The following PRKN variants were observed in gnomAD, a reference collection of about 807,000 sequenced individuals.
PRKN encodes the protein E3 ubiquitin-protein ligase parkin.
A neutral mutation model predicts 59.5 loss-of-function variants in PRKN; 56 were observed. The observed-to-expected ratio is 0.94, with a 90% CI of 0.76 to 1.18. The LOEUF is 1.18. Among genes scored for constraint, PRKN ranks in the 50% most tolerant of loss-of-function variants. The pLI, the probability that PRKN is intolerant of heterozygous loss-of-function variation, is 0.00. For synonymous variants in PRKN, 250 were observed against 222.1 expected, an observed-to-expected ratio of 1.13 and a Z score of -1.12; for missense variants, 657 against 596.4, an observed-to-expected ratio of 1.10 and a Z score of -1.06.
intron 1 of PRKN, among the ~76,000 whole-genome samples, chr6:162,675,594 T>C (rs570148206): frequency 7.0e-4 from 107 of 152,272 alleles, no homozygotes; most frequent in African/African-American, 2.5e-3. Flanking sequence ...ATAACCAGTA[T>C]GCAGGACTTA....
intron 1 of PRKN, among the ~76,000 whole-genome samples, chr6:162,673,526 C>A (rs1047685672): frequency 6.6e-6 from 1 of 152,172 alleles, no homozygotes; most frequent in African/African-American, 2.4e-5. Flanking sequence ...GTTGGAACTA[C>A]AGGCGCACAC....
intron 7 of PRKN, among the ~76,000 whole-genome samples, chr6:161,735,629 C>A (rs1787931945): frequency 6.6e-6 from 1 of 152,032 alleles, no homozygotes; most frequent in African/African-American, 2.4e-5. Flanking sequence ...AAAAGTGAGA[C>A]TGTAAGGCCA....
In PRKN at chr6:161,395,623, C is replaced by T. The variant is rs571378730; in HGVS notation, c.1084-8746G>A. ...CCCAACACGCTGTGGTCTCAACCAC[C>T]GCCTTTGTCAAGCTGCTTTAAAAGA... On this transcript the variant is annotated intron_variant, in intron 9 of 11. Coordinates refer to ENST00000366898, the MANE Select transcript of PRKN (RefSeq NM_004562.3). The surrounding 1 kb of genome is among the most constrained non-coding windows in gnomAD (Gnocchi z 5.0). Among the ~76,000 whole-genome samples, 15 of 152,264 alleles carry T rather than the reference C, an allele frequency of 9.9e-5. No homozygotes were observed. In the South Asian group the frequency reaches 1.0e-3, roughly 11 times the overall value.
At position 162,056,133 on chromosome 6, in the gene PRKN, C is replaced by T. The variant is rs749174646; in HGVS notation, c.535-1959G>A. Among the ~76,000 whole-genome samples the T allele has an allele frequency of 6.6e-6, 1 of 150,606 alleles. No individual in the cohort carries two copies. The highest frequency in any genetic ancestry group is 2.0e-4 in the East Asian group (1 of 5,082). ...ATATACCCACATGCATGCACGCACACCAAGACACACCACACACGCACGCAC... is the reference window on the plus strand; with the variant it reads ...ATATACCCACATGCATGCACGCACATCAAGACACACCACACACGCACGCAC... On this transcript the variant is annotated intron_variant, in intron 4 of 11. Coordinates refer to ENST00000366898, the MANE Select transcript of PRKN (RefSeq NM_004562.3). This position sits in a 1 kb window ranked among gnomAD's most constrained non-coding sequence, Gnocchi z 4.9.
intron 4 of PRKN, among the ~76,000 whole-genome samples, chr6:162,089,381 AAAAC>A (rs144756843): frequency 0.045 from 6,863 of 152,296 alleles, 181 homozygotes; most frequent in Non-Finnish European, 0.058. Context: ...GCTAAAATTT[AAAAC>A]AAACAAGAAA....
At chr6:162,080,620 C>T (rs1779016896) in intron 4 of PRKN, among the ~76,000 whole-genome samples, 1 of 152,098 alleles carries the variant, frequency 6.6e-6, no homozygotes, top group Admixed American at 6.5e-5. Flanking sequence ...AATGTTAACT[C>T]TCATCTGAAC....
intron 5 of PRKN, among the ~76,000 whole-genome samples, chr6:162,021,102 C>CAAAA (rs375989505): frequency 0.44 from 36,240 of 81,896 alleles, 9,637 homozygotes; most frequent in East Asian, 0.75. Flanking sequence ...GACTCTGTCT[C>CAAAA]AAAAAAAAAA....
chr6:162,111,333 C>T (rs1391289990), intron 4 of PRKN, among the ~76,000 whole-genome samples: 1 of 152,038 alleles, frequency 6.6e-6, no homozygotes, highest in Non-Finnish European at 1.5e-5. Context: ...AGTGTTGTGG[C>T]ATGCATCTGT....
chr6:162,045,739 A>G (rs1481563012), intron 5 of PRKN, among the ~76,000 whole-genome samples: 1 of 152,210 alleles, frequency 6.6e-6, no homozygotes, highest in African/African-American at 2.4e-5. Context: ...GGAGCCATCA[A>G]TCACCTGCTG....
chr6:162,011,247 A>AGTATATATT (rs1782660888), intron 5 of PRKN, among the ~76,000 whole-genome samples: 2 of 108,332 alleles, frequency 1.8e-5, no homozygotes, highest in African/African-American at 3.6e-5. Flanking sequence ...TTTATAATAT[A>AGTATATATT]TATAATATAG....
chr6:162,560,623 T>C (rs905413400), intron 1 of PRKN, among the ~76,000 whole-genome samples: 1 of 152,126 alleles, frequency 6.6e-6, no homozygotes, highest in African/African-American at 2.4e-5. Context: ...AACACCCTTC[T>C]GGTGTCCTTT....
chr6:162,450,398 CGCCCCTAT>C (rs1562774226), intron 1 of PRKN, among the ~76,000 whole-genome samples: 1 of 139,818 alleles, frequency 7.2e-6, no homozygotes, highest in African/African-American at 2.7e-5. Context: ...TGAATGTAAA[CGCCCCTAT>C]GATTGTAACA....
rs1221903379 is a variant in PRKN at position 162,485,921 on chromosome 6, C to T, written c.8-42448G>A. 3.9e-5 allele frequency among the ~76,000 whole-genome samples: 6 copies of T among 152,170 alleles called. No individual in the cohort carries two copies. In the South Asian group the frequency reaches 1.2e-3, roughly 32 times the overall value. On this transcript the variant is annotated intron_variant, in intron 1 of 11. Transcript: ENST00000366898. ...ATCCTAAAGAACCATAATCTTCTAT[C>T]GCATATGCAAAGCCTGTTTTACGTC...
Position 161,468,219 on chromosome 6 carries a change from C to T in PRKN, c.1083+80635G>A, listed in dbSNP as rs1047964671. 1.3e-5 allele frequency among the ~76,000 whole-genome samples: 2 copies of T among 152,020 alleles called. No individual in the cohort carries two copies. Among genetic ancestry groups the T allele is most frequent in the African/African-American group, 2.4e-5 (1 of 41,400 alleles). On this transcript the variant is annotated intron_variant, in intron 9 of 11. Coordinates refer to ENST00000366898, the MANE Select transcript of PRKN (RefSeq NM_004562.3). This position sits in a 1 kb window ranked among gnomAD's most constrained non-coding sequence, Gnocchi z 5.9. Reference sequence around the variant, plus strand: ...AACTCCTGACCTCAGGTGATCCGCCCGCCTCAACCTCCCAACGTGCTAGGA... The same window carrying T: ...AACTCCTGACCTCAGGTGATCCGCCTGCCTCAACCTCCCAACGTGCTAGGA...
chr6:161,641,538 C>T (rs143276635), intron 7 of PRKN, among the ~76,000 whole-genome samples: 7 of 152,276 alleles, frequency 4.6e-5, no homozygotes, highest in African/African-American at 9.6e-5. Context: ...GTCCCATCCC[C>T]GAGTTTTCTG....
Position 161,417,482 on chromosome 6 carries a change from A to G in PRKN, c.1084-30605T>C, listed in dbSNP as rs1787906651. ...AAAAAAAAAGTCATCTAATGCCTCC[A>G]AGACCACACGCTATTGATTTAATCT... On this transcript the variant is annotated intron_variant, in intron 9 of 11. Coordinates refer to ENST00000366898, the MANE Select transcript of PRKN (RefSeq NM_004562.3). The surrounding 1 kb of genome is among the most constrained non-coding windows in gnomAD (Gnocchi z 5.4). Among the ~76,000 whole-genome samples the G allele has an allele frequency of 6.6e-6, 1 of 151,314 alleles. No homozygotes were observed. The highest frequency in any genetic ancestry group is 1.5e-5 in the Non-Finnish European group (1 of 67,926).
At position 162,330,646 on chromosome 6, in the gene PRKN, G is replaced by A. The variant is rs143940941; in HGVS notation, c.172-67881C>T. On this transcript the variant is annotated intron_variant, in intron 2 of 11. Coordinates refer to ENST00000366898, the MANE Select transcript of PRKN (RefSeq NM_004562.3). ...TCTGAAACAAAAAGAAACTAAACAGGTAGTGCTTTCACATGCCACTAGAGA... is the reference window on the plus strand; with the variant it reads ...TCTGAAACAAAAAGAAACTAAACAGATAGTGCTTTCACATGCCACTAGAGA... 2.5e-3 allele frequency among the ~76,000 whole-genome samples: 383 copies of A among 152,252 alleles called. 2 individuals carry two copies. The highest frequency in any genetic ancestry group is 3.8e-3 in the Non-Finnish European group (257 of 68,012).
Position 161,414,959 on chromosome 6 carries a change from T to C in PRKN, c.1084-28082A>G, listed in dbSNP as rs1787769905. On this transcript the variant is annotated intron_variant, in intron 9 of 11. Coordinates refer to ENST00000366898, the MANE Select transcript of PRKN (RefSeq NM_004562.3). The surrounding 1 kb of genome is among the most constrained non-coding windows in gnomAD (Gnocchi z 5.3). ...TCACTTTCTTCCACCTACACACTGT[T>C]GGCAGCTCCTCAGAGGGAAGGACGG... Among the ~76,000 whole-genome samples the C allele has an allele frequency of 6.6e-6, 1 of 152,212 alleles. No individual in the cohort carries two copies. The highest frequency in any genetic ancestry group is 6.5e-5 in the Admixed American group (1 of 15,286).
At chr6:162,030,962 G>T (rs528726304) in intron 5 of PRKN, among the ~76,000 whole-genome samples, 15 of 152,324 alleles carry the variant, frequency 9.8e-5, no homozygotes, top group Admixed American at 2.6e-4. Context: ...AGTAAATGGG[G>T]AAGGAAGAAT....
Sources: gnomAD v4.1 joint callset for allele counts (sites outside exome capture counted in the v4.1 genomes callset) on GRCh38, gnomAD v4.1.1 for gene constraint, Gnocchi (gnomAD v3.1) non-coding constraint, MANE v1.5 for transcripts, NCBI Gene and HGNC (gene_info 2026-07-23, HGNC 2026-07-21) for gene names.